The following NRXN3 variants were observed in gnomAD, a reference collection of about 807,000 sequenced individuals.
The protein encoded by NRXN3 is neurexin 3.
In NRXN3, 32 loss-of-function variants were observed where a neutral mutation model predicts 137.6. That is an observed-to-expected ratio of 0.23 (90% CI 0.18 to 0.31). The LOEUF (loss-of-function observed/expected upper bound fraction) is 0.31, where lower values mean the gene tolerates loss of function less well. Ranked by LOEUF, NRXN3 falls within the 10% of genes least tolerant of loss-of-function variation. The probability of loss-of-function intolerance (pLI) is 1.00; values close to 1 mark genes in which losing one functional copy is unlikely to be tolerated. For missense variants in NRXN3, 1,574 were observed against 2,062.5 expected (o/e 0.76, Z 4.59); for synonymous variants, 798 against 784.5 (o/e 1.02, Z -0.29).
At chr14:79,468,137 T>A (rs1331412697) in intron 16 of NRXN3, among the ~76,000 whole-genome samples, 1 of 152,234 alleles carries the variant, frequency 6.6e-6, no homozygotes, top group Non-Finnish European at 1.5e-5. Flanking sequence ...CTTTTGGTCT[T>A]GTACATATGC....
intron 16 of NRXN3, among the ~76,000 whole-genome samples, chr14:79,648,584 TAACA>T (rs2098461983): frequency 2.2e-5 from 3 of 135,206 alleles, no homozygotes; most frequent in African/African-American, 7.4e-5. Context: ...GAAAAATAAT[TAACA>T]AACAAAAATC....
intron 20 of NRXN3, among the ~76,000 whole-genome samples, chr14:79,820,031 C>T (rs528219426): frequency 1.6e-4 from 22 of 133,778 alleles, no homozygotes; most frequent in African/African-American, 4.4e-4. Flanking sequence ...CTTGATCTCC[C>T]GCCCACATAC....
At chr14:78,764,939 C>T (rs1474802500) in intron 8 of NRXN3, among the ~76,000 whole-genome samples, 1 of 152,148 alleles carries the variant, frequency 6.6e-6, no homozygotes, top group African/African-American at 2.4e-5. Context: ...GGCATACTTG[C>T]AAACAATTCA....
intron 15 of NRXN3, among the ~76,000 whole-genome samples, chr14:79,362,751 C>G (rs1371261241): frequency 6.6e-6 from 1 of 152,216 alleles, no homozygotes; most frequent in Non-Finnish European, 1.5e-5. Context: ...AGTCCCATGG[C>G]TGCTGCTAAA....
At chr14:78,182,070 T>TG (rs2059850965) in intron 1 of NRXN3, among the ~76,000 whole-genome samples, 1 of 136,934 alleles carries the variant, frequency 7.3e-6, no homozygotes, top group African/African-American at 2.7e-5. Context: ...GGCAAAGTAT[T>TG]GGGGGGCACT....
intron 4 of NRXN3, among the ~76,000 whole-genome samples, chr14:78,419,359 T>A (rs2093321781): frequency 6.6e-6 from 1 of 152,170 alleles, no homozygotes; most frequent in Non-Finnish European, 1.5e-5. Flanking sequence ...TGCCTCAGCC[T>A]CCTGAGTAGC....
chr14:79,086,037 C>T (rs148080572), intron 15 of NRXN3, among the ~76,000 whole-genome samples: 80 of 152,248 alleles, frequency 5.3e-4, no homozygotes, highest in African/African-American at 1.8e-3. Flanking sequence ...AAAGCTGCAG[C>T]GCTTCTAGAT....
chr14:78,723,353 A>G (rs991135855), intron 8 of NRXN3, among the ~76,000 whole-genome samples: 1 of 152,258 alleles, frequency 6.6e-6, no homozygotes, highest in Non-Finnish European at 1.5e-5. Context: ...AAAAGGGGCA[A>G]TGTCAATAGG....
chr14:79,701,502 T>G (rs1318032254), intron 19 of NRXN3, among the ~76,000 whole-genome samples: 1 of 152,020 alleles, frequency 6.6e-6, no homozygotes, highest in Non-Finnish European at 1.5e-5. Flanking sequence ...AGCAGGGCCC[T>G]TTTCCCTCTC....
At chr14:79,088,232 A>G (rs2048496043) in intron 15 of NRXN3, among the ~76,000 whole-genome samples, 1 of 149,692 alleles carries the variant, frequency 6.7e-6, no homozygotes, top group African/African-American at 2.6e-5. Flanking sequence ...CAATAAGAAA[A>G]ATTGTTTGAA....
In NRXN3 at chr14:79,450,806, C is replaced by T. The variant is rs369295852; in HGVS notation, c.3263-16415C>T. ...ACTTGAACTTGAGAGACAGAGGTTG[C>T]AGTGGGCCGGGCTCACGCCACTGCA... is the stretch of plus-strand genomic sequence containing the variant. On this transcript the variant is annotated intron_variant, in intron 15 of 20. Coordinates refer to ENST00000335750, the MANE Select transcript of NRXN3 (RefSeq NM_001330195.2). 3.6e-4 allele frequency among the ~76,000 whole-genome samples: 54 copies of T among 151,736 alleles called. 1 individual carries two copies. In the East Asian group the frequency reaches 7.6e-3, roughly 21 times the overall value.
At chr14:79,257,788 T>A (rs1364163262) in intron 15 of NRXN3, among the ~76,000 whole-genome samples, 1 of 151,934 alleles carries the variant, frequency 6.6e-6, no homozygotes, top group East Asian at 1.9e-4. Context: ...ATTTGATTTT[T>A]AAATGTATAA....
intron 10 of NRXN3, among the ~76,000 whole-genome samples, chr14:78,918,435 A>G (rs1372229083): frequency 6.6e-6 from 1 of 152,190 alleles, no homozygotes; most frequent in African/African-American, 2.4e-5. Flanking sequence ...AACAGAACAG[A>G]GACCTTGGGC....
At chr14:79,058,946 G>A (rs780684730) in intron 15 of NRXN3, among the ~76,000 whole-genome samples, 11 of 152,190 alleles carry the variant, frequency 7.2e-5, no homozygotes, top group Non-Finnish European at 1.2e-4. Context: ...CCCCAGCCAT[G>A]TGGATCTGTG....
chr14:78,212,259 A>T (rs139467265), intron 1 of NRXN3, among the ~76,000 whole-genome samples: 23 of 152,362 alleles, frequency 1.5e-4, no homozygotes, highest in Middle Eastern at 3.4e-3. Context: ...AAAATGATTT[A>T]TAAGTATAAC....
At chr14:79,131,462 TG>T in intron 15 of NRXN3, among the ~76,000 whole-genome samples, 1 of 152,272 alleles carries the variant, frequency 6.6e-6, no homozygotes. Context: ...CTGCCCCTGC[TG>T]GGGGGTGCCT....
chr14:78,442,083 G>A (rs1303502081), intron 4 of NRXN3, among the ~76,000 whole-genome samples: 2 of 142,790 alleles, frequency 1.4e-5, no homozygotes, highest in African/African-American at 5.2e-5. Context: ...GTGACAGAGC[G>A]AGACTCTGTC....
At chr14:78,880,459 A>G (rs1168914609) in intron 10 of NRXN3, among the ~76,000 whole-genome samples, 2 of 152,164 alleles carry the variant, frequency 1.3e-5, no homozygotes, top group Non-Finnish European at 2.9e-5. Flanking sequence ...TGAAAAGTTC[A>G]GTAGTGAAAT....
chr14:78,906,263 C>T (rs541262426), intron 10 of NRXN3, among the ~76,000 whole-genome samples: 3 of 152,048 alleles, frequency 2.0e-5, no homozygotes, highest in Admixed American at 2.0e-4. Context: ...TTAAATTTTC[C>T]AGTTTTATTT....
Sources: allele counts gnomAD v4.1 joint callset (sites outside exome capture counted in the v4.1 genomes callset), GRCh38; gene constraint gnomAD v4.1.1; transcripts MANE v1.5; gene names NCBI Gene and HGNC (gene_info 2026-07-23, HGNC 2026-07-21).